Variants in ALPK2 observed in about 807,000 individuals in gnomAD.
ALPK2 encodes alpha kinase 2.
A neutral mutation model predicts 163.1 loss-of-function variants in ALPK2; 127 were observed. The ratio of observed to expected loss-of-function variants is 0.78; its 90% CI spans 0.67 to 0.90. ALPK2 has a LOEUF of 0.90. Among genes scored for constraint, ALPK2 ranks in the 40% least tolerant of loss-of-function variants. The probability of loss-of-function intolerance (pLI) is 0.00; values close to 1 mark genes in which losing one functional copy is unlikely to be tolerated. For missense variants in ALPK2, 2,360 were observed against 2,589.6 expected (o/e 0.91, Z 1.92); for synonymous variants, 953 against 959.1 (o/e 0.99, Z 0.12).
intron 3 of ALPK2, among the ~76,000 whole-genome samples, chr18:58,582,071 C>G (rs972077730): frequency 2.0e-5 from 3 of 152,150 alleles, no homozygotes; most frequent in Non-Finnish European, 2.9e-5. Flanking sequence ...CAATCTGGCT[C>G]TTGGGTAGAA....
At chr18:58,576,077 A>G (rs2051920117) in intron 4 of ALPK2, among the ~76,000 whole-genome samples, 1 of 152,252 alleles carries the variant, frequency 6.6e-6, no homozygotes, top group South Asian at 2.1e-4. Flanking sequence ...GCAAGACTCA[A>G]GAATGGGCAA....
At chr18:58,592,752 T>C (rs116979166) in intron 3 of ALPK2, among the ~76,000 whole-genome samples, 1,586 of 152,328 alleles carry the variant, frequency 0.01, 30 homozygotes, top group East Asian at 0.09. Context: ...CAGTACTGCA[T>C]AGTGGTTAAG....
chr18:58,536,713 AG>A lies in ALPK2; in HGVS notation c.3473del (p.Pro1158LeufsTer51), dbSNP rs1319326976. 5.6e-6 allele frequency: 9 copies of A among 1,614,202 alleles called. No homozygotes were observed. The highest frequency in any genetic ancestry group is 7.6e-6 in the Non-Finnish European group (9 of 1,180,024). On this transcript the variant is annotated frameshift_variant, in exon 5 of 13. Coordinates refer to ENST00000361673, the MANE Select transcript of ALPK2 (RefSeq NM_052947.4). ...LSAPDFQQSL[P>X]TTSAAQEERN... ...TTTCCTCTTGTGCAGCAGATGTCGT[AG>A]GCAAACTTTGTTGGAAATCAGGTGC...
intron 5 of ALPK2, among the ~76,000 whole-genome samples, chr18:58,533,961 G>A (rs571325492): frequency 4.6e-5 from 7 of 152,102 alleles, no homozygotes; most frequent in Non-Finnish European, 4.4e-5. Context: ...TCAGCCATCC[G>A]TAGCTTTTCG....
chr18:58,610,591 CTTA>C (rs2052123117), intron 2 of ALPK2, among the ~76,000 whole-genome samples: 2 of 152,184 alleles, frequency 1.3e-5, no homozygotes, highest in Admixed American at 1.3e-4. Flanking sequence ...ATTTTCACTT[CTTA>C]TTAGCATCCC....
At chr18:58,486,387 C>T (rs1458751390) in intron 12 of ALPK2, among the ~76,000 whole-genome samples, 1 of 152,204 alleles carries the variant, frequency 6.6e-6, no homozygotes, top group Non-Finnish European at 1.5e-5. Context: ...CTCCCTGCAT[C>T]TTCTTGAGAA....
Position 58,580,463 on chromosome 18 carries a change from C to CA in ALPK2, c.312dup (p.Glu105Ter). On this transcript the variant is annotated frameshift_variant, in exon 4 of 13. Transcript: ENST00000361673. LOFTEE classifies it high-confidence loss of function. ...AATTGTGGGTTCTCTGATGAGCACT[C>CA]AACCTCAACGGAAGCAGAACAACAG... 1 of 1,614,186 alleles carries CA rather than the reference C, an allele frequency of 6.2e-7. No homozygotes were observed. The highest frequency in any genetic ancestry group is 8.5e-7 in the Non-Finnish European group (1 of 1,180,034).
At chr18:58,529,038 T>C in intron 6 of ALPK2, 53 bp downstream of exon 6, 1 of 1,609,192 alleles carries the variant, frequency 6.2e-7, no homozygotes, top group Non-Finnish European at 8.5e-7. Flanking sequence ...ACAACCATGT[T>C]GTGAAATAAA....
At chr18:58,570,617 C>T (rs2051880960) in intron 4 of ALPK2, among the ~76,000 whole-genome samples, 1 of 152,218 alleles carries the variant, frequency 6.6e-6, no homozygotes, top group African/African-American at 2.4e-5. Context: ...TGAATACATA[C>T]ATCATTTAGT....
chr18:58,611,656 T>A (rs2052131947), intron 2 of ALPK2, 33 bp downstream of exon 2: 1 of 1,575,748 alleles, frequency 6.3e-7, no homozygotes, highest in African/African-American at 1.4e-5. Flanking sequence ...AGGGAGATTT[T>A]AGAGGGTGAT....
chr18:58,611,720 C>T lies in ALPK2; in HGVS notation c.78G>A (p.Lys26=), dbSNP rs199626078. Residue 26 remains lysine, a synonymous_variant, in exon 2 of 13, where the codon AAG becomes AAA. Transcript: ENST00000361673. The part of the protein sequence containing the change: ...STLLSQKVPE[K]SDAVLRCIIS... ...TTATGCAGCGAAGCACAGCGTCTGA[C>T]TTCTCAGGAACCTTCTGGGAAAGCA... 55 of 1,613,188 alleles carry T rather than the reference C, an allele frequency of 3.4e-5. No individual in the cohort carries two copies. The African/African-American group carries it at 5.9e-4, about 17-fold the overall frequency.
intron 3 of ALPK2, among the ~76,000 whole-genome samples, chr18:58,585,477 C>T (rs985892271): frequency 1.3e-5 from 2 of 152,040 alleles, no homozygotes; most frequent in Admixed American, 6.5e-5. Context: ...CAGTGTGATA[C>T]AATACATGGT....
At chr18:58,518,015 G>C (rs1423618850) in intron 8 of ALPK2, among the ~76,000 whole-genome samples, 2 of 152,192 alleles carry the variant, frequency 1.3e-5, no homozygotes, top group East Asian at 1.9e-4. Flanking sequence ...CTTTAAACTA[G>C]AGATGACCCA....
intron 5 of ALPK2, among the ~76,000 whole-genome samples, chr18:58,531,763 C>T (rs1200044392): frequency 6.7e-6 from 1 of 150,018 alleles, no homozygotes; most frequent in Admixed American, 6.7e-5. Flanking sequence ...CATGGTGAAA[C>T]CCCGTCTCTA....
At chr18:58,622,979 C>G (rs190237728) in intron 1 of ALPK2, among the ~76,000 whole-genome samples, 63 of 152,270 alleles carry the variant, frequency 4.1e-4, no homozygotes, top group Non-Finnish European at 8.4e-4. Context: ...CACTCCCCGC[C>G]CCCCGACAGA....
At chr18:58,548,519 C>A (rs576619878) in intron 4 of ALPK2, among the ~76,000 whole-genome samples, 1 of 152,148 alleles carries the variant, frequency 6.6e-6, no homozygotes, top group South Asian at 2.1e-4. Context: ...TGGGGTTTTG[C>A]CCTGTTAGCC....
At chr18:58,582,042 T>TA (rs201020522) in intron 3 of ALPK2, among the ~76,000 whole-genome samples, 85 of 152,310 alleles carry the variant, frequency 5.6e-4, no homozygotes, top group African/African-American at 2.0e-3. Flanking sequence ...CCAATTTCAA[T>TA]AATGTCTTGT....
Position 58,535,035 on chromosome 18 carries a change from G to C in ALPK2, c.5152C>G (p.Pro1718Ala), listed in dbSNP as rs1177677202. 1 of 1,614,024 alleles carries C rather than the reference G, an allele frequency of 6.2e-7. No homozygotes were observed. The highest frequency in any genetic ancestry group is 1.7e-5 in the Admixed American group (1 of 60,004). The part of the protein sequence containing the change: ...SEEVKRKPEA[P>A]GSGHLAEGVK... ...CCCTCAGCTAAATGTCCACTGCCTG[G>C]GGCTTCTGGCTTCCTCTTGACCTCC... is the stretch of plus-strand genomic sequence containing the variant. The change falls in exon 5 of 13, where the codon CCA becomes GCA. Residue 1718 changes from proline to alanine, a missense_variant. Transcript: ENST00000361673.
chr18:58,549,906 C>T (rs563789866), intron 4 of ALPK2, among the ~76,000 whole-genome samples: 42 of 152,202 alleles, frequency 2.8e-4, no homozygotes, highest in Admixed American at 3.9e-4. Flanking sequence ...CTCAGTTTCC[C>T]TTAGCTTGCT....
Sources: allele counts gnomAD v4.1 joint callset (sites outside exome capture counted in the v4.1 genomes callset), GRCh38; gene constraint gnomAD v4.1.1; transcripts MANE v1.5; gene names NCBI Gene and HGNC (gene_info 2026-07-23, HGNC 2026-07-21).